PTPRK: variants seen among roughly 807,000 people sequenced by gnomAD.
PTPRK encodes receptor-type tyrosine-protein phosphatase kappa.
In PTPRK, 75 loss-of-function variants were observed where a neutral mutation model predicts 178.0. That is an observed-to-expected ratio of 0.42 (90% CI 0.35 to 0.51). PTPRK has a LOEUF of 0.51. PTPRK is among the 20% of genes least tolerant of loss of function. The probability of loss-of-function intolerance (pLI) is 0.02; values close to 1 mark genes in which losing one functional copy is unlikely to be tolerated. For synonymous variants in PTPRK, 637 were observed against 620.6 expected, an observed-to-expected ratio of 1.03 and a Z score of -0.39; for missense variants, 1,441 against 1,797.8, an observed-to-expected ratio of 0.80 and a Z score of 3.59.
At chr6:128,131,677 T>C (rs531389297) in intron 7 of PTPRK, among the ~76,000 whole-genome samples, 12 of 152,318 alleles carry the variant, frequency 7.9e-5, no homozygotes, top group Admixed American at 1.3e-4. Context: ...AGTTGTATCA[T>C]TGTGCTTGTT....
At chr6:127,987,202 T>A (rs559607152) in intron 21 of PTPRK, among the ~76,000 whole-genome samples, 39 of 152,012 alleles carry the variant, frequency 2.6e-4, no homozygotes, top group African/African-American at 8.9e-4. Flanking sequence ...ATTTTTTTTT[T>A]AATTTTTCTG....
Position 128,242,565 on chromosome 6 carries a change from C to A in PTPRK, c.533G>T (p.Gly178Val). The change falls in exon 4 of 30, where the codon GGT becomes GTT. Residue 178 changes from glycine to valine, a missense_variant. This residue lies in a region of PTPRK where 945 missense variants were observed against 1,080.6 expected (regional missense o/e 0.87). Coordinates refer to ENST00000368226, the MANE Select transcript of PTPRK (RefSeq NM_002844.4). ...TTGGATGTCATCAATGGCAATATAA[C>A]CACTTCTCCCTCCTGAGACTTCAGC... Reference protein sequence around the residue: ...FEAEVSGGRSGYIAIDDIQVL... With the variant: ...FEAEVSGGRSVYIAIDDIQVL... The A allele has an allele frequency of 1.9e-6, 3 of 1,612,964 alleles. No homozygotes were observed. The highest frequency in any genetic ancestry group is 2.5e-6 in the Non-Finnish European group (3 of 1,179,580).
At chr6:128,349,553 A>C (rs968758905) in intron 2 of PTPRK, among the ~76,000 whole-genome samples, 8 of 152,074 alleles carry the variant, frequency 5.3e-5, no homozygotes, top group African/African-American at 1.9e-4. Context: ...CTGTTTTACC[A>C]CCTTAGTTAA....
At chr6:128,281,762 C>T (rs1014401404) in intron 3 of PTPRK, among the ~76,000 whole-genome samples, 5 of 151,980 alleles carry the variant, frequency 3.3e-5, no homozygotes, top group African/African-American at 1.2e-4. Flanking sequence ...ACATCCCTCT[C>T]TCTTGGAATC....
chr6:128,491,711 T>A (rs1380229486), intron 1 of PTPRK: 1 of 493,008 alleles, frequency 2.0e-6, no homozygotes, highest in East Asian at 5.7e-5. Context: ...CATTAATCTA[T>A]CATTTTTTTT....
At chr6:128,269,308 A>G (rs1819423866) in intron 3 of PTPRK, among the ~76,000 whole-genome samples, 1 of 151,972 alleles carries the variant, frequency 6.6e-6, no homozygotes. Context: ...CTGCAGGGCA[A>G]TGGGTAACAA....
chr6:128,269,815 T>C (rs2128296924), intron 3 of PTPRK, among the ~76,000 whole-genome samples: 1 of 152,164 alleles, frequency 6.6e-6, no homozygotes, highest in Admixed American at 6.6e-5. Context: ...TCAATTCCAA[T>C]TACAAAGTTT....
intron 3 of PTPRK, among the ~76,000 whole-genome samples, chr6:128,256,388 T>C (rs1022194884): frequency 4.3e-4 from 65 of 151,832 alleles, no homozygotes; most frequent in African/African-American, 1.4e-3. Context: ...TAAACCTCTA[T>C]GACATATGTA....
rs779293726 is a variant in PTPRK, at chr6:128,082,646, A to C, written c.1576-8T>G. 21 of 1,574,964 alleles carry C rather than the reference A, an allele frequency of 1.3e-5. 1 individual carries two copies. In the South Asian group the frequency reaches 2.3e-4, roughly 17 times the overall value. On this transcript the variant is annotated splice_region_variant and splice_polypyrimidine_tract_variant and intron_variant, in intron 9 of 29. Coordinates refer to ENST00000368226, the MANE Select transcript of PTPRK (RefSeq NM_002844.4). ...TATACTGCTATAGCTGATCTGTTTT[A>C]AGAAATACATTTATTACATATCTAG...
intron 3 of PTPRK, among the ~76,000 whole-genome samples, chr6:128,248,247 T>G (rs1815831724): frequency 6.6e-6 from 1 of 152,172 alleles, no homozygotes; most frequent in Non-Finnish European, 1.5e-5. Flanking sequence ...AAGTAGACAT[T>G]CAACAAATGA....
Position 128,157,819 on chromosome 6 carries a change from G to A in PTPRK, c.1162+26613C>T, listed in dbSNP as rs182023997. On this transcript the variant is annotated intron_variant, in intron 7 of 29. Transcript: ENST00000368226. ...TCTTGTAAATCTGTTTAAGTTCTTT[G>A]TAGATTCTGGATATTAGCCCTTTGT... Among the ~76,000 whole-genome samples the A allele has an allele frequency of 1.5e-4, 23 of 152,034 alleles. No individual in the cohort carries two copies. In the East Asian group the frequency reaches 4.5e-3, roughly 30 times the overall value.
chr6:128,175,321 G>A (rs562187809), intron 7 of PTPRK, among the ~76,000 whole-genome samples: 6 of 151,744 alleles, frequency 4.0e-5, no homozygotes, highest in South Asian at 2.1e-4. Context: ...TCAGTAAAGC[G>A]CATTGATATA....
At chr6:128,322,978 G>A (rs952780529) in intron 2 of PTPRK, among the ~76,000 whole-genome samples, 1 of 152,036 alleles carries the variant, frequency 6.6e-6, no homozygotes, top group African/African-American at 2.4e-5. Context: ...TCCCCACTTG[G>A]AGTCTCACCC....
intron 1 of PTPRK, among the ~76,000 whole-genome samples, chr6:128,510,896 T>C (rs1038571221): frequency 6.6e-6 from 1 of 151,956 alleles, no homozygotes; most frequent in African/African-American, 2.4e-5. Flanking sequence ...ATGATACATA[T>C]ATAGTAAGAA....
At chr6:128,381,358 G>A (rs563937593) in intron 2 of PTPRK, among the ~76,000 whole-genome samples, 74 of 151,956 alleles carry the variant, frequency 4.9e-4, no homozygotes, top group Non-Finnish European at 6.2e-4. Flanking sequence ...ATCATTATGC[G>A]TCAGAGTGCA....
intron 2 of PTPRK, among the ~76,000 whole-genome samples, chr6:128,335,588 G>A (rs1378252607): frequency 6.6e-6 from 1 of 151,794 alleles, no homozygotes; most frequent in Non-Finnish European, 1.5e-5. Context: ...AAAACAGGGT[G>A]GTAGAGAAAA....
chr6:128,505,090 A>G lies in PTPRK; in HGVS notation c.100+15169T>C, dbSNP rs2128439617. ...CAAACAGTATACCAAAATGATAACA[A>G]CTTAAGAAATTTACTTGTTTTTTTT... On this transcript the variant is annotated intron_variant, in intron 1 of 29. Transcript: ENST00000368226. 2.0e-5 allele frequency among the ~76,000 whole-genome samples: 3 copies of G among 149,786 alleles called. No homozygotes were observed. The Middle Eastern group carries it at 0.01, about 513-fold the overall frequency.
intron 1 of PTPRK, among the ~76,000 whole-genome samples, chr6:128,477,847 T>C (rs982991502): frequency 2.0e-5 from 3 of 152,136 alleles, no homozygotes; most frequent in Admixed American, 6.5e-5. Flanking sequence ...TCTTTTTTCA[T>C]AGGACAGAAA....
intron 3 of PTPRK, among the ~76,000 whole-genome samples, chr6:128,304,575 A>G (rs1562249151): frequency 6.6e-6 from 1 of 152,210 alleles, no homozygotes; most frequent in Non-Finnish European, 1.5e-5. Context: ...ATGAGTCTCT[A>G]AAATCTGGTT....
Sources: allele counts gnomAD v4.1 joint callset (sites outside exome capture counted in the v4.1 genomes callset), GRCh38; gene constraint gnomAD v4.1.1; regional missense constraint gnomAD v4.1.1; transcripts MANE v1.5; gene names NCBI Gene and HGNC (gene_info 2026-07-23, HGNC 2026-07-21).